The following ADGRL2 variants were observed in gnomAD, a reference collection of about 807,000 sequenced individuals.
ADGRL2 encodes calcium-independent alpha-latrotoxin receptor 2.
ADGRL2 carries 44 observed loss-of-function variants against 157.4 expected under a neutral mutation model. That is an observed-to-expected ratio of 0.28 (90% CI 0.22 to 0.36). ADGRL2 has a LOEUF of 0.36. Ranked by LOEUF, ADGRL2 falls within the 10% of genes least tolerant of loss-of-function variation. The pLI is 1.00. For synonymous variants in ADGRL2, 585 were observed against 624.7 expected (o/e 0.94, Z 0.95); for missense variants, 1,510 against 1,768.9 (o/e 0.85, Z 2.63).
At chr1:81,810,820 A>G (rs1160218419) in intron 1 of ADGRL2, among the ~76,000 whole-genome samples, 1 of 151,906 alleles carries the variant, frequency 6.6e-6, no homozygotes, top group Non-Finnish European at 1.5e-5. Context: ...TTTGCCTCAT[A>G]TGCGTCGACA....
At chr1:81,822,925 C>G (rs2091127087) in intron 1 of ADGRL2, among the ~76,000 whole-genome samples, 2 of 151,974 alleles carry the variant, frequency 1.3e-5, no homozygotes, top group South Asian at 2.1e-4. Flanking sequence ...AAAACTCTTT[C>G]TTGAGGGGTT....
chr1:81,520,678 A>T (rs2079292915), intron 2 of ADGRL2, among the ~76,000 whole-genome samples: 1 of 152,136 alleles, frequency 6.6e-6, no homozygotes, highest in Admixed American at 6.5e-5. Flanking sequence ...CCCTTCTGCC[A>T]TGATTGTAAG....
At chr1:81,390,289 C>T (rs184705153) in intron 1 of ADGRL2, among the ~76,000 whole-genome samples, 9 of 152,136 alleles carry the variant, frequency 5.9e-5, no homozygotes, top group African/African-American at 1.7e-4. Flanking sequence ...TGTTGAAAAA[C>T]GTAAAAGAGT....
chr1:81,628,895 G>A (rs2081959770), intron 3 of ADGRL2, among the ~76,000 whole-genome samples: 1 of 152,158 alleles, frequency 6.6e-6, no homozygotes, highest in South Asian at 2.1e-4. Flanking sequence ...GAAATGACAA[G>A]AAATAATGTG....
chr1:81,948,917 TACTTTTTCGTAGTTTACTGTCAGTA>T, intron 6 of ADGRL2, among the ~76,000 whole-genome samples: 1 of 152,188 alleles, frequency 6.6e-6, no homozygotes, highest in East Asian at 1.9e-4. Flanking sequence ...CATGTCACAC[TACTTTTTCGTAGTTTACTGTCAGTA>T]GTGTCAGAAT....
At chr1:81,364,732 C>T (rs1177191245) in intron 1 of ADGRL2, among the ~76,000 whole-genome samples, 4 of 150,804 alleles carry the variant, frequency 2.7e-5, no homozygotes, top group Non-Finnish European at 4.4e-5. Context: ...CAGAGTCTTG[C>T]TCTGTCGCCC....
intron 2 of ADGRL2, among the ~76,000 whole-genome samples, chr1:81,539,903 T>A (rs575071579): frequency 6.6e-6 from 1 of 152,238 alleles, no homozygotes; most frequent in East Asian, 1.9e-4. Flanking sequence ...ACTCTAGAAC[T>A]TAGTGTTTTT....
intron 3 of ADGRL2, among the ~76,000 whole-genome samples, chr1:81,597,884 G>A (rs1268916208): frequency 6.6e-6 from 1 of 152,166 alleles, no homozygotes; most frequent in Admixed American, 6.5e-5. Flanking sequence ...ACCAATAGAA[G>A]ATGTGTTTTC....
intron 2 of ADGRL2, among the ~76,000 whole-genome samples, chr1:81,889,063 CTCA>C (rs2094199293): frequency 1.3e-5 from 2 of 152,196 alleles, no homozygotes; most frequent in East Asian, 1.9e-4. Flanking sequence ...CTCTCCCCCT[CTCA>C]TCAGGCCTCC....
At chr1:81,543,590 A>T (rs1350685024) in intron 2 of ADGRL2, among the ~76,000 whole-genome samples, 2 of 152,140 alleles carry the variant, frequency 1.3e-5, no homozygotes, top group African/African-American at 4.8e-5. Flanking sequence ...TGCTGCTGCT[A>T]CCCCAACTGG....
intron 1 of ADGRL2, among the ~76,000 whole-genome samples, chr1:81,364,544 A>G (rs1337859709): frequency 6.6e-6 from 1 of 152,092 alleles, no homozygotes; most frequent in Non-Finnish European, 1.5e-5. Context: ...AAAACTGCAC[A>G]CTTTACTATG....
At chr1:81,776,787 G>A (rs2086605948) in intron 2 of ADGRL2, among the ~76,000 whole-genome samples, 1 of 152,090 alleles carries the variant, frequency 6.6e-6, no homozygotes, top group South Asian at 2.1e-4. Flanking sequence ...ATTGACCTGG[G>A]CTCCAATTCA....
chr1:81,616,746 G>A (rs571770283), intron 3 of ADGRL2, among the ~76,000 whole-genome samples: 69 of 139,896 alleles, frequency 4.9e-4, no homozygotes, highest in Middle Eastern at 4.5e-3. Context: ...GCACAATCTC[G>A]GCTCACTGTA....
At chr1:81,769,118 T>C (rs190114891) in intron 2 of ADGRL2, among the ~76,000 whole-genome samples, 1 of 152,328 alleles carries the variant, frequency 6.6e-6, no homozygotes, top group Admixed American at 6.5e-5. Flanking sequence ...CTAACTGATT[T>C]GTAGATAATA....
At chr1:81,820,325 T>C (rs1385278543) in intron 1 of ADGRL2, among the ~76,000 whole-genome samples, 1 of 152,214 alleles carries the variant, frequency 6.6e-6, no homozygotes, top group East Asian at 1.9e-4. Flanking sequence ...TAAAGTGTTA[T>C]AACACTGAGT....
At chr1:81,809,043 C>T (rs1183064416) in intron 1 of ADGRL2, among the ~76,000 whole-genome samples, 1 of 152,038 alleles carries the variant, frequency 6.6e-6, no homozygotes, top group African/African-American at 2.4e-5. Flanking sequence ...TAATGTCTCC[C>T]TCTACAGAGC....
intron 3 of ADGRL2, among the ~76,000 whole-genome samples, chr1:81,657,396 C>T (rs1336688687): frequency 1.3e-5 from 2 of 152,154 alleles, no homozygotes; most frequent in Non-Finnish European, 2.9e-5. Context: ...TCTTGGACTT[C>T]GCAGCCTCCA....
At chr1:81,772,715 C>T (rs796771277) in intron 2 of ADGRL2, among the ~76,000 whole-genome samples, 52 of 151,990 alleles carry the variant, frequency 3.4e-4, no homozygotes, top group African/African-American at 1.2e-3. Flanking sequence ...GGAGACAGAG[C>T]GAGACTCCAT....
At chr1:81,827,971 ATAGAC>A (rs762077822) in intron 1 of ADGRL2, among the ~76,000 whole-genome samples, 3 of 152,238 alleles carry the variant, frequency 2.0e-5, no homozygotes, top group Non-Finnish European at 2.9e-5. Flanking sequence ...TCTTAAAATA[ATAGAC>A]TAAAGTTGAT....
Sources: allele counts gnomAD v4.1 joint callset (sites outside exome capture counted in the v4.1 genomes callset), GRCh38; gene constraint gnomAD v4.1.1; transcripts MANE v1.5; gene names NCBI Gene and HGNC (gene_info 2026-07-23, HGNC 2026-07-21).